FSTL5: variants seen among roughly 807,000 people sequenced by gnomAD.
FSTL5 encodes the protein follistatin like 5, also known as follistatin-related protein 5.
FSTL5 carries 62 observed loss-of-function variants against 89.1 expected under a neutral mutation model. That is an observed-to-expected ratio of 0.70 (90% CI 0.57 to 0.86). The LOEUF is 0.86. Ranked by LOEUF, FSTL5 falls within the 40% of genes least tolerant of loss-of-function variation. The pLI is 0.00. For synonymous variants in FSTL5, 383 were observed against 346.2 expected, an observed-to-expected ratio of 1.11 and a Z score of -1.18; for missense variants, 1,057 against 1,001.6, an observed-to-expected ratio of 1.06 and a Z score of -0.75.
intron 1 of FSTL5, among the ~76,000 whole-genome samples, chr4:162,123,613 T>TA (rs34880034): frequency 0.76 from 115,826 of 151,936 alleles, 44,531 homozygotes; most frequent in Non-Finnish European, 0.8. Flanking sequence ...CCTAGTGGTT[T>TA]AACCAAAACA....
chr4:161,936,828 G>A (rs1486722659), intron 3 of FSTL5, among the ~76,000 whole-genome samples: 1 of 152,078 alleles, frequency 6.6e-6, no homozygotes, highest in African/African-American at 2.4e-5. Flanking sequence ...CCAGCCTCTG[G>A]CAGGAATGTT....
At chr4:161,402,617 C>T (rs1731219935) in intron 15 of FSTL5, among the ~76,000 whole-genome samples, 4 of 152,108 alleles carry the variant, frequency 2.6e-5, no homozygotes, top group Non-Finnish European at 1.5e-5. Flanking sequence ...CTACACACTC[C>T]CCGTGCAATG....
chr4:161,950,266 A>T (rs576002935), intron 3 of FSTL5, among the ~76,000 whole-genome samples: 47 of 152,284 alleles, frequency 3.1e-4, no homozygotes, highest in African/African-American at 1.1e-3. Flanking sequence ...GAATGTTTTA[A>T]CATGGGAGAC....
At chr4:161,852,403 A>G (rs978318421) in intron 4 of FSTL5, among the ~76,000 whole-genome samples, 4 of 152,284 alleles carry the variant, frequency 2.6e-5, no homozygotes, top group African/African-American at 7.2e-5. Flanking sequence ...AATCAAAACC[A>G]CATTGAGATA....
rs181837902 is a variant in FSTL5, at chr4:161,632,534, C to A, written c.894+23794G>T. Among the ~76,000 whole-genome samples the A allele has an allele frequency of 3.9e-5, 6 of 152,178 alleles. No homozygotes were observed. The East Asian group carries it at 1.2e-3, about 29-fold the overall frequency. On this transcript the variant is annotated intron_variant, in intron 7 of 15. Transcript: ENST00000306100. ...TAACATGGCTAAGTAAATAACCTGG[C>A]CACATATAACTTTGTGTAAATGCAA...
At chr4:161,394,785 T>A (rs1333790258) in intron 15 of FSTL5, among the ~76,000 whole-genome samples, 1 of 152,160 alleles carries the variant, frequency 6.6e-6, no homozygotes, top group Non-Finnish European at 1.5e-5. Context: ...TTTAAAAAAG[T>A]TTATATTTTG....
intron 8 of FSTL5, among the ~76,000 whole-genome samples, chr4:161,566,851 T>C (rs1194660203): frequency 2.0e-5 from 3 of 152,130 alleles, no homozygotes; most frequent in East Asian, 1.9e-4. Context: ...AGGTATAGCA[T>C]GTGAAAATGT....
rs74951275 is a variant in FSTL5, at chr4:161,826,593, G to A, written c.410-50519C>T. 1.8e-4 allele frequency among the ~76,000 whole-genome samples: 28 copies of A among 152,150 alleles called. No homozygotes were observed. In the East Asian group the frequency reaches 5.2e-3, roughly 28 times the overall value. On this transcript the variant is annotated intron_variant, in intron 4 of 15. Coordinates refer to ENST00000306100, the MANE Select transcript of FSTL5 (RefSeq NM_020116.5). ...AATGTTTAGGTGCATACTTATTTAG[G>A]ATTGTCATTTTGTTGTTGTTGTTGG...
intron 15 of FSTL5, among the ~76,000 whole-genome samples, chr4:161,435,168 C>G (rs1299175070): frequency 6.6e-6 from 1 of 152,078 alleles, no homozygotes; most frequent in Non-Finnish European, 1.5e-5. Context: ...GATTTGGAAG[C>G]AAGCTAAGTG....
At chr4:162,135,811 T>G (rs1732498460) in intron 1 of FSTL5, among the ~76,000 whole-genome samples, 1 of 152,120 alleles carries the variant, frequency 6.6e-6, no homozygotes, top group Non-Finnish European at 1.5e-5. Context: ...CTTAAAACAA[T>G]GTCTGAATTT....
intron 3 of FSTL5, among the ~76,000 whole-genome samples, chr4:161,941,624 A>C (rs1400928319): frequency 6.6e-6 from 1 of 151,982 alleles, no homozygotes; most frequent in Non-Finnish European, 1.5e-5. Context: ...ATATGCACCA[A>C]ATCTCAGAGC....
chr4:162,034,625 T>C (rs1327094710), intron 2 of FSTL5, among the ~76,000 whole-genome samples: 2 of 152,170 alleles, frequency 1.3e-5, no homozygotes, highest in Non-Finnish European at 2.9e-5. Context: ...AAGCACAGTT[T>C]ACTCCGTCTA....
At chr4:161,678,563 T>G (rs901757507) in intron 6 of FSTL5, among the ~76,000 whole-genome samples, 1 of 151,832 alleles carries the variant, frequency 6.6e-6, no homozygotes, top group Non-Finnish European at 1.5e-5. Flanking sequence ...TCATCACTTT[T>G]GATCAACAGA....
At chr4:161,723,675 A>T (rs72689130) in intron 6 of FSTL5, among the ~76,000 whole-genome samples, 1,765 of 152,240 alleles carry the variant, frequency 0.012, 18 homozygotes, top group Non-Finnish European at 0.02. Flanking sequence ...TAAAGCTGTG[A>T]AGATCAGTGT....
chr4:161,604,880 A>G (rs1173574985), intron 7 of FSTL5, among the ~76,000 whole-genome samples: 2 of 152,204 alleles, frequency 1.3e-5, no homozygotes, highest in Non-Finnish European at 2.9e-5. Flanking sequence ...CAGAACCAGA[A>G]AGAGAAACTC....
intron 15 of FSTL5, among the ~76,000 whole-genome samples, chr4:161,433,402 A>C (rs1455024544): frequency 2.0e-5 from 3 of 152,088 alleles, no homozygotes; most frequent in Admixed American, 6.6e-5. Flanking sequence ...TTTAGAGGGA[A>C]CATACTTCAA....
intron 10 of FSTL5, among the ~76,000 whole-genome samples, chr4:161,536,331 T>C (rs543864607): frequency 6.6e-6 from 1 of 152,290 alleles, no homozygotes; most frequent in South Asian, 2.1e-4. Flanking sequence ...TATCAGTCTC[T>C]TTCCATGAAA....
intron 15 of FSTL5, among the ~76,000 whole-genome samples, chr4:161,449,234 TACAA>T (rs1474706564): frequency 6.6e-6 from 1 of 152,084 alleles, no homozygotes; most frequent in Non-Finnish European, 1.5e-5. Context: ...CCCTCCCAAG[TACAA>T]ACATTCATTT....
intron 15 of FSTL5, among the ~76,000 whole-genome samples, chr4:161,438,312 C>T (rs1012482105): frequency 3.3e-5 from 5 of 149,900 alleles, no homozygotes; most frequent in Admixed American, 3.3e-4. Flanking sequence ...GTAAGTGGGC[C>T]AGAGCTTCTT....
Sources: allele counts gnomAD v4.1 joint callset (sites outside exome capture counted in the v4.1 genomes callset), GRCh38; gene constraint gnomAD v4.1.1; transcripts MANE v1.5; gene names NCBI Gene and HGNC (gene_info 2026-07-23, HGNC 2026-07-21).